Variants in KSR2 observed in about 807,000 individuals in gnomAD.
The protein encoded by KSR2 is kinase suppressor of ras 2.
A neutral mutation model predicts 107.8 loss-of-function variants in KSR2; 25 were observed. The observed-to-expected ratio is 0.23, with a 90% confidence interval of 0.17 to 0.32. KSR2 has a LOEUF of 0.32. KSR2 is among the 10% of genes least tolerant of loss of function. KSR2 has a pLI of 1.00. For synonymous variants in KSR2, 480 were observed against 507.0 expected, an observed-to-expected ratio of 0.95 and a Z score of 0.71; for missense variants, 887 against 1,268.9, an observed-to-expected ratio of 0.70 and a Z score of 4.57.
At chr12:117,857,971 G>A (rs1239436929) in intron 2 of KSR2, among the ~76,000 whole-genome samples, 1 of 152,228 alleles carries the variant, frequency 6.6e-6, no homozygotes, top group African/African-American at 2.4e-5. Context: ...TAAGGCAAGA[G>A]CCAAAACTCA....
At chr12:117,473,565 T>TGGCTGG (rs1871604808) in intron 17 of KSR2, among the ~76,000 whole-genome samples, 1 of 152,196 alleles carries the variant, frequency 6.6e-6, no homozygotes, top group Non-Finnish European at 1.5e-5. Flanking sequence ...TGCGAGCTTG[T>TGGCTGG]GGCTGGCGAT....
At chr12:117,928,182 CTTT>C (rs35971412) in intron 1 of KSR2, among the ~76,000 whole-genome samples, 87 of 140,618 alleles carry the variant, frequency 6.2e-4, no homozygotes, top group Non-Finnish European at 6.4e-4. Context: ...TCCTTCTTTC[CTTT>C]TTTTTTTTTT....
chr12:117,917,599 G>A (rs533164638), intron 1 of KSR2, among the ~76,000 whole-genome samples: 26 of 152,250 alleles, frequency 1.7e-4, no homozygotes, highest in Admixed American at 9.2e-4. Flanking sequence ...CACGTCTCAA[G>A]TTGAAGAAAC....
intron 10 of KSR2, among the ~76,000 whole-genome samples, chr12:117,538,103 CT>C (rs11299383): frequency 0.67 from 101,714 of 151,240 alleles, 34,515 homozygotes; most frequent in African/African-American, 0.76. Context: ...GTCTAACGGT[CT>C]TTTTTTTTCC....
chr12:117,710,902 C>A (rs1005629983), intron 4 of KSR2, among the ~76,000 whole-genome samples: 1 of 152,096 alleles, frequency 6.6e-6, no homozygotes, highest in East Asian at 1.9e-4. Context: ...GCCTCAAGAC[C>A]TTTGCACATG....
chr12:117,581,805 G>T (rs1879680530), intron 6 of KSR2, among the ~76,000 whole-genome samples: 1 of 152,174 alleles, frequency 6.6e-6, no homozygotes, highest in African/African-American at 2.4e-5. Flanking sequence ...CTGCAGTCTT[G>T]TGTATTCTGG....
Position 117,968,241 on chromosome 12 carries a change from G to A in KSR2, c.15C>T (p.Asn5=). ...GCTGCTGCTCCTCGCTTTTCGTCAT[G>A]TTTTCCTCATCCATCGCTTGCTCTG... MDEE[N]MTKSEEQQPL... Residue 5 remains asparagine, a synonymous_variant, in exon 1 of 20, where the codon AAC becomes AAT. Coordinates refer to ENST00000339824, the MANE Select transcript of KSR2 (RefSeq NM_173598.6). 5.9e-6 allele frequency: 8 copies of A among 1,345,430 alleles called. No homozygotes were observed. Among genetic ancestry groups the A allele is most frequent in the Non-Finnish European group, 7.9e-6 (8 of 1,017,354 alleles). 83.3% of individuals were successfully genotyped at this position (1,345,430 alleles called of 1,614,324 possible). A position where few individuals can be genotyped will look rare whatever the true frequency, so the allele number is the denominator to read the frequency against.
chr12:117,478,733 G>T (rs1338991375), intron 16 of KSR2, among the ~76,000 whole-genome samples: 1 of 152,108 alleles, frequency 6.6e-6, no homozygotes, highest in Non-Finnish European at 1.5e-5. Flanking sequence ...GAGATTATAG[G>T]CATGAGCCAC....
intron 1 of KSR2, among the ~76,000 whole-genome samples, chr12:117,929,422 A>C (rs1011365949): frequency 5.3e-5 from 8 of 152,212 alleles, no homozygotes; most frequent in African/African-American, 1.4e-4. Flanking sequence ...TCTTGTCTGC[A>C]GCCATGTGAG....
At chr12:117,911,811 C>T (rs916368597) in intron 1 of KSR2, among the ~76,000 whole-genome samples, 1 of 152,000 alleles carries the variant, frequency 6.6e-6, no homozygotes, top group African/African-American at 2.4e-5. Context: ...TCGCTACAGG[C>T]ATAAGTAACA....
intron 5 of KSR2, among the ~76,000 whole-genome samples, chr12:117,649,368 A>G (rs972479755): frequency 1.3e-5 from 2 of 152,226 alleles, no homozygotes; most frequent in Non-Finnish European, 2.9e-5. Context: ...TGATTGCTGC[A>G]TTCAGGTATG....
intron 1 of KSR2, among the ~76,000 whole-genome samples, chr12:117,915,318 G>A (rs576354053): frequency 3.3e-5 from 5 of 152,320 alleles, no homozygotes; most frequent in African/African-American, 9.6e-5. Flanking sequence ...GCCCTTTGAT[G>A]AAAAGGCACT....
rs1260989150 is a variant in KSR2 at position 117,527,326 on chromosome 12, GACACACACACACACACACACAGACAC to G, written c.1803-233_1803-208del. Among the ~76,000 whole-genome samples the G allele has an allele frequency of 2.8e-3, 200 of 71,450 alleles. 3 individuals are homozygous for G. The highest frequency in any genetic ancestry group is 7.7e-3 in the Middle Eastern group (1 of 130). The allele number at this position is 71,450 out of a possible 152,430, so 46.9% of individuals were successfully genotyped here. A position where few individuals can be genotyped will look rare whatever the true frequency, so the allele number is the denominator to read the frequency against. On this transcript the variant is annotated intron_variant, in intron 12 of 19. Coordinates refer to ENST00000339824, the MANE Select transcript of KSR2 (RefSeq NM_173598.6). ...AGACACACACACACACACACACACAGACACACACACACACACACACAGACACACACACACACACACAACACAGTGCG... is the reference window on the plus strand; with the variant it reads ...AGACACACACACACACACACACACAGACACACACACACACAACACAGTGCG...
At chr12:117,633,525 T>G (rs182452306) in intron 5 of KSR2, among the ~76,000 whole-genome samples, 1 of 152,270 alleles carries the variant, frequency 6.6e-6, no homozygotes, top group Non-Finnish European at 1.5e-5. Flanking sequence ...GAAATCAAGG[T>G]GTTGACAGGA....
intron 5 of KSR2, among the ~76,000 whole-genome samples, chr12:117,664,478 T>G (rs907104780): frequency 6.6e-6 from 1 of 151,444 alleles, no homozygotes; most frequent in African/African-American, 2.4e-5. Flanking sequence ...AAGCAGGGAG[T>G]TCTCTTCTGG....
chr12:117,953,385 T>C (rs369763476), intron 1 of KSR2, among the ~76,000 whole-genome samples: 7 of 152,328 alleles, frequency 4.6e-5, no homozygotes, highest in Admixed American at 6.5e-5. Flanking sequence ...CCAGTGATCA[T>C]AGCAGTATTA....
Position 117,950,060 on chromosome 12 carries a change from G to A in KSR2, c.180+18016C>T, listed in dbSNP as rs568100491. ...GAGATCTCGGCTCACTGCAACCTCC[G>A]CCTCCTGGGCTCAAGCAATTCTCTT... On this transcript the variant is annotated intron_variant, in intron 1 of 19. Transcript: ENST00000339824. Among the ~76,000 whole-genome samples the A allele has an allele frequency of 3.2e-4, 47 of 148,974 alleles. No individual in the cohort carries two copies. The East Asian group carries it at 3.2e-3, about 10-fold the overall frequency.
intron 14 of KSR2, 141 bp from the exon 15 acceptor site, chr12:117,485,832 G>T: frequency 1.7e-6 from 1 of 586,394 alleles, no homozygotes. Context: ...GTCTGGGACT[G>T]GACTTCAGAT....
chr12:117,589,733 G>A (rs1244899420), intron 5 of KSR2, among the ~76,000 whole-genome samples: 1 of 152,164 alleles, frequency 6.6e-6, no homozygotes, highest in Non-Finnish European at 1.5e-5. Flanking sequence ...AACTCTATTT[G>A]CTTTAATATC....
Sources: allele counts gnomAD v4.1 joint callset (sites outside exome capture counted in the v4.1 genomes callset), GRCh38; gene constraint gnomAD v4.1.1; transcripts MANE v1.5; gene names NCBI Gene and HGNC (gene_info 2026-07-23, HGNC 2026-07-21).